APCDD1: variants seen among roughly 807,000 people sequenced by gnomAD.
APCDD1 encodes protein APCDD1.
A neutral mutation model predicts 38.1 loss-of-function variants in APCDD1; 15 were observed. The ratio of observed to expected loss-of-function variants is 0.39; its 90% confidence interval spans 0.26 to 0.61. APCDD1 has a LOEUF of 0.61. APCDD1 is among the 20% of genes least tolerant of loss of function. The pLI is 0.49. For synonymous variants in APCDD1, 261 were observed against 279.7 expected (o/e 0.93, Z 0.67); for missense variants, 647 against 696.2 (o/e 0.93, Z 0.79).
At chr18:10,480,958 G>A (rs113144221) in intron 3 of APCDD1, among the ~76,000 whole-genome samples, 2,867 of 151,966 alleles carry the variant, frequency 0.019, 81 homozygotes, top group African/African-American at 0.064. Flanking sequence ...AAAAAAATTG[G>A]CAAAGAAAAA....
chr18:10,482,660 A>T (rs980686874), intron 3 of APCDD1, among the ~76,000 whole-genome samples: 14 of 152,168 alleles, frequency 9.2e-5, no homozygotes, highest in African/African-American at 3.4e-4. Flanking sequence ...ATTTGAATCC[A>T]AGTTCCCAGC....
intron 3 of APCDD1, among the ~76,000 whole-genome samples, chr18:10,478,963 T>A (rs2031072014): frequency 6.6e-6 from 1 of 152,216 alleles, no homozygotes; most frequent in South Asian, 2.1e-4. Flanking sequence ...CATTTAATTC[T>A]TTACATGTCC....
rs1217856952 is a variant in APCDD1 at position 10,489,720 on chromosome 18, T to A, written c.*1682T>A. On this transcript the variant is annotated 3_prime_UTR_variant, in exon 5 of 5. Coordinates refer to ENST00000355285, the MANE Select transcript of APCDD1 (RefSeq NM_153000.5). ...TCTCAAAAAAAAAAAAAAGTAACTT[T>A]ATGAAATGCCACAGCATTCAGTGTG... 1.3e-5 allele frequency: 2 copies of A among 151,572 alleles called. No homozygotes were observed. The highest frequency in any genetic ancestry group is 2.9e-5 in the Non-Finnish European group (2 of 67,902). The allele number at this position is 151,572 out of a possible 1,614,324, so 9.4% of individuals were successfully genotyped here. A position where few individuals can be genotyped will look rare whatever the true frequency, so the allele number is the denominator to read the frequency against.
intron 1 of APCDD1, among the ~76,000 whole-genome samples, chr18:10,464,277 T>A (rs1376881500): frequency 6.7e-6 from 1 of 149,432 alleles, no homozygotes; most frequent in East Asian, 2.0e-4. Context: ...TTCTTTGACA[T>A]CCAGGCCAGT....
At position 10,471,935 on chromosome 18, in the gene APCDD1, G is replaced by A. The variant is rs777116492; in HGVS notation, c.648G>A (p.Lys216=). The change falls in exon 3 of 5, where the codon AAG becomes AAA. Residue 216 remains lysine, a synonymous_variant. Transcript: ENST00000355285. The surrounding 1 kb of genome is among the most constrained non-coding windows in gnomAD (Gnocchi z 5.5). ...AACTTCAGCTCATCCGGGTGGAGAA[G>A]CAGTACCTTCACCACAACCTCGACC... ...MHELQLIRVE[K]QYLHHNLDHL... is the part of the protein sequence containing the mutation. The A allele has an allele frequency of 3.1e-6, 5 of 1,614,152 alleles. No individual in the cohort carries two copies. In the Admixed American group the frequency reaches 6.7e-5, roughly 22 times the overall value.
chr18:10,482,480 C>G (rs549457356), intron 3 of APCDD1, among the ~76,000 whole-genome samples: 4 of 152,284 alleles, frequency 2.6e-5, no homozygotes, highest in African/African-American at 9.6e-5. Flanking sequence ...TCTGACTCCG[C>G]GCTTCTTGTT....
chr18:10,464,446 A>G (rs2030657370), intron 1 of APCDD1, among the ~76,000 whole-genome samples: 1 of 152,216 alleles, frequency 6.6e-6, no homozygotes, highest in African/African-American at 2.4e-5. Flanking sequence ...TTTTAGAGAC[A>G]GGGTCTCACT....
chr18:10,484,454 T>C (rs73942649), intron 3 of APCDD1, among the ~76,000 whole-genome samples: 2,923 of 152,354 alleles, frequency 0.019, 90 homozygotes, highest in African/African-American at 0.064. Flanking sequence ...GTAAAATGTA[T>C]CGTTTAACCA....
Position 10,467,764 on chromosome 18 carries a change from C to T in APCDD1, c.59-705C>T, listed in dbSNP as rs190101458. ...TAATTGGGGGGGAAATGTCACACCACGTCCCTATTGTAGGAGGGTGCAAGG... is the reference window on the plus strand; with the variant it reads ...TAATTGGGGGGGAAATGTCACACCATGTCCCTATTGTAGGAGGGTGCAAGG... On this transcript the variant is annotated intron_variant, in intron 1 of 4. Transcript: ENST00000355285. This position sits in a 1 kb window ranked among gnomAD's most constrained non-coding sequence, Gnocchi z 4.8. 2.6e-5 allele frequency among the ~76,000 whole-genome samples: 4 copies of T among 152,334 alleles called. No homozygotes were observed. In the East Asian group the frequency reaches 5.8e-4, roughly 22 times the overall value.
chr18:10,483,533 A>G (rs2143559817), intron 3 of APCDD1, among the ~76,000 whole-genome samples: 1 of 152,366 alleles, frequency 6.6e-6, no homozygotes, highest in East Asian at 1.9e-4. Flanking sequence ...AGCAGCTGGG[A>G]AGCCCACAGC....
At chr18:10,473,674 T>C (rs1259256247) in intron 3 of APCDD1, among the ~76,000 whole-genome samples, 3 of 152,162 alleles carry the variant, frequency 2.0e-5, no homozygotes, top group Non-Finnish European at 2.9e-5. Flanking sequence ...ATACCTGGAC[T>C]GGGGTGTGCT....
rs950905394 is a variant in APCDD1, at chr18:10,467,457, A to G, written c.59-1012A>G. ...GCCATAAATGCCTGTTGATTTGTTA[A>G]TCACTTCAGGAGTGAATATCAGAGG... On this transcript the variant is annotated intron_variant, in intron 1 of 4. Transcript: ENST00000355285. The surrounding 1 kb of genome is among the most constrained non-coding windows in gnomAD (Gnocchi z 4.8). Among the ~76,000 whole-genome samples, 7 of 152,224 alleles carry G rather than the reference A, an allele frequency of 4.6e-5. No homozygotes were observed. Among genetic ancestry groups the G allele is most frequent in the Admixed American group, 3.9e-4 (6 of 15,286 alleles).
In APCDD1 at chr18:10,488,537, T is replaced by A. The variant is rs141508733; in HGVS notation, c.*499T>A. ...CTGTGATCAAGACACCTTTTATTAA[T>A]AAAGAAGAGACACAGGTGTAGATAT... On this transcript the variant is annotated 3_prime_UTR_variant, in exon 5 of 5. Coordinates refer to ENST00000355285, the MANE Select transcript of APCDD1 (RefSeq NM_153000.5). 1 of 158,458 alleles carries A rather than the reference T, an allele frequency of 6.3e-6. No individual in the cohort carries two copies. The highest frequency in any genetic ancestry group is 1.4e-5 in the Non-Finnish European group (1 of 72,244). 9.8% of individuals were successfully genotyped at this position (158,458 alleles called of 1,614,324 possible). A position where few individuals can be genotyped will look rare whatever the true frequency, so the allele number is the denominator to read the frequency against.
At chr18:10,456,729 A>G (rs892608852) in intron 1 of APCDD1, among the ~76,000 whole-genome samples, 14 of 152,192 alleles carry the variant, frequency 9.2e-5, no homozygotes, top group Non-Finnish European at 1.5e-4. Context: ...CTGACAGGTA[A>G]CAAGAGCCCA....
rs1465082048 is a variant in APCDD1, at chr18:10,467,650, C to A, written c.59-819C>A. Among the ~76,000 whole-genome samples the A allele has an allele frequency of 6.6e-6, 1 of 152,136 alleles. No individual in the cohort carries two copies. The highest frequency in any genetic ancestry group is 1.5e-5 in the Non-Finnish European group (1 of 68,040). ...CCCCTGGGAAATAAACATATGTAATCTTCTTGCCATTATTCTTAATTTAAA... is the reference window on the plus strand; with the variant it reads ...CCCCTGGGAAATAAACATATGTAATATTCTTGCCATTATTCTTAATTTAAA... On this transcript the variant is annotated intron_variant, in intron 1 of 4. Transcript: ENST00000355285. The surrounding 1 kb of genome is among the most constrained non-coding windows in gnomAD (Gnocchi z 4.8).
intron 1 of APCDD1, among the ~76,000 whole-genome samples, chr18:10,457,510 GATAA>G (rs1487326268): frequency 2.6e-5 from 4 of 152,148 alleles, no homozygotes; most frequent in African/African-American, 9.7e-5. Flanking sequence ...TTTTTTTCCT[GATAA>G]ATAGGCATTT....
At chr18:10,482,045 C>T (rs746648821) in intron 3 of APCDD1, among the ~76,000 whole-genome samples, 13 of 152,114 alleles carry the variant, frequency 8.5e-5, no homozygotes, top group Non-Finnish European at 1.8e-4. Flanking sequence ...CCCCTCCCCT[C>T]CCCCGAGCCT....
At chr18:10,465,322 C>G (rs937632818) in intron 1 of APCDD1, among the ~76,000 whole-genome samples, 3 of 152,144 alleles carry the variant, frequency 2.0e-5, no homozygotes, top group African/African-American at 2.4e-5. Context: ...ATCCTTGGGA[C>G]TCATCTGGAG....
At chr18:10,479,708 C>A (rs1330166227) in intron 3 of APCDD1, among the ~76,000 whole-genome samples, 2 of 152,090 alleles carry the variant, frequency 1.3e-5, no homozygotes, top group Non-Finnish European at 2.9e-5. Flanking sequence ...GCCTTAGTTG[C>A]CTCGTCTGTA....
Sources: gnomAD v4.1 joint callset for allele counts (sites outside exome capture counted in the v4.1 genomes callset) on GRCh38, gnomAD v4.1.1 for gene constraint, Gnocchi (gnomAD v3.1) non-coding constraint, MANE v1.5 for transcripts, NCBI Gene and HGNC (gene_info 2026-07-23, HGNC 2026-07-21) for gene names.